The following RBM6 variants were observed in gnomAD, a reference collection of about 807,000 sequenced individuals.
RBM6 encodes the protein RNA binding motif protein 6.
Under a neutral mutation model 140.4 loss-of-function variants are expected in RBM6, and 23 were observed. The observed-to-expected ratio is 0.16, with a 90% CI of 0.12 to 0.23. The LOEUF is 0.23. Ranked by LOEUF, RBM6 falls within the 10% of genes least tolerant of loss-of-function variation. The probability of loss-of-function intolerance (pLI) is 1.00; values close to 1 mark genes in which losing one functional copy is unlikely to be tolerated. For missense variants in RBM6, 1,139 were observed against 1,386.7 expected (o/e 0.82, Z 2.84); for synonymous variants, 439 against 475.6 (o/e 0.92, Z 1.00).
chr3:50,073,247 A>G (rs1291380948), intron 19 of RBM6, among the ~76,000 whole-genome samples: 1 of 152,188 alleles, frequency 6.6e-6, no homozygotes, highest in African/African-American at 2.4e-5. Context: ...AATACCACAG[A>G]CTGGGTAATT....
At chr3:49,973,664 C>T (rs1276930815) in intron 4 of RBM6, among the ~76,000 whole-genome samples, 7 of 148,378 alleles carry the variant, frequency 4.7e-5, no homozygotes, top group Admixed American at 6.7e-5. Flanking sequence ...CGGCTCACTG[C>T]AACCTCTGCC....
rs1412508438 is a variant in RBM6 at position 50,058,666 on chromosome 3, G to A, written c.2130+104G>A. On this transcript the variant is annotated intron_variant, in intron 10 of 20. Transcript: ENST00000266022. ...CTGGTGGCTTACGCCTGTAATCCCAGCACTTTGGGAGGCCGAGGTGGGTGG... is the reference window on the plus strand; with the variant it reads ...CTGGTGGCTTACGCCTGTAATCCCAACACTTTGGGAGGCCGAGGTGGGTGG... The A allele has an allele frequency of 1.7e-5, 22 of 1,259,974 alleles. No individual in the cohort carries two copies. In the Middle Eastern group the frequency reaches 8.5e-4, roughly 48 times the overall value. 78.0% of individuals were successfully genotyped at this position (1,259,974 alleles called of 1,614,324 possible).
intron 6 of RBM6, among the ~76,000 whole-genome samples, chr3:50,025,068 G>A (rs528446918): frequency 1.3e-5 from 2 of 150,036 alleles, no homozygotes; most frequent in Admixed American, 6.6e-5. Flanking sequence ...TTCCACTCTA[G>A]ATGGACTGTG....
intron 8 of RBM6, among the ~76,000 whole-genome samples, chr3:50,055,102 G>A (rs779114532): frequency 2.0e-5 from 3 of 152,202 alleles, no homozygotes; most frequent in Non-Finnish European, 4.4e-5. Flanking sequence ...GATTACAGGC[G>A]TGAACCACCA....
intron 5 of RBM6, among the ~76,000 whole-genome samples, chr3:49,993,814 C>T (rs539415407): frequency 4.0e-5 from 6 of 151,842 alleles, no homozygotes; most frequent in African/African-American, 1.4e-4. Context: ...ATAATCTGCA[C>T]GCCTGTAATC....
At chr3:50,025,111 C>A (rs1313703149) in intron 6 of RBM6, among the ~76,000 whole-genome samples, 2 of 150,768 alleles carry the variant, frequency 1.3e-5, no homozygotes, top group Non-Finnish European at 3.0e-5. Context: ...GGAGCTATGG[C>A]AAATGATGTT....
intron 5 of RBM6, among the ~76,000 whole-genome samples, chr3:49,982,752 C>G (rs548838457): frequency 4.0e-5 from 6 of 149,432 alleles, no homozygotes; most frequent in Non-Finnish European, 1.5e-5. Context: ...GAGTCTCTCT[C>G]AGTCACCCAG....
At chr3:49,969,451 ATG>A (rs199684826) in intron 3 of RBM6, among the ~76,000 whole-genome samples, 5 of 146,026 alleles carry the variant, frequency 3.4e-5, no homozygotes, top group African/African-American at 1.0e-4. Context: ...GATCATATAT[ATG>A]TGTGTGTGTG....
chr3:50,058,895 G>A (rs1191662589), intron 10 of RBM6: 2 of 159,230 alleles, frequency 1.3e-5, no homozygotes, highest in African/African-American at 2.4e-5. Context: ...CAGCCTGGGT[G>A]ACAGAGCGAG....
At chr3:49,949,836 T>C (rs977113054) in intron 1 of RBM6, among the ~76,000 whole-genome samples, 27 of 152,034 alleles carry the variant, frequency 1.8e-4, no homozygotes, top group African/African-American at 6.3e-4. Flanking sequence ...TTTATTTTAT[T>C]CTCAGCCTTC....
At chr3:50,026,431 G>C (rs2087827593) in intron 6 of RBM6, among the ~76,000 whole-genome samples, 1 of 150,614 alleles carries the variant, frequency 6.6e-6, no homozygotes, top group Non-Finnish European at 1.5e-5. Context: ...CCAGACTGGA[G>C]TGCAGTGGCA....
At chr3:50,038,057 G>A (rs1044213294) in intron 6 of RBM6, among the ~76,000 whole-genome samples, 8 of 151,888 alleles carry the variant, frequency 5.3e-5, no homozygotes. Context: ...CCTGACCTCA[G>A]GTGATCCACC....
At chr3:50,075,452 A>G in intron 20 of RBM6, 122 bp downstream of exon 20, 3 of 1,328,554 alleles carry the variant, frequency 2.3e-6, no homozygotes, top group Non-Finnish European at 2.1e-6. Context: ...GGGATAGGAC[A>G]TGAGAGTTGA....
At position 50,013,784 on chromosome 3, in the gene RBM6, A is replaced by G. The variant is rs374250544; in HGVS notation, c.1557+14271A>G. 1.4e-4 allele frequency among the ~76,000 whole-genome samples: 21 copies of G among 152,312 alleles called. No homozygotes were observed. The East Asian group carries it at 2.3e-3, about 17-fold the overall frequency. ...CAGCAACCATGGCAAAGGGGAAGCA[A>G]ACTTTCCTGAGTGGCCTTAATAATG... On this transcript the variant is annotated intron_variant, in intron 6 of 20. Coordinates refer to ENST00000266022, the MANE Select transcript of RBM6 (RefSeq NM_005777.3).
chr3:50,012,547 C>T (rs571166456), intron 6 of RBM6, among the ~76,000 whole-genome samples: 26 of 151,508 alleles, frequency 1.7e-4, no homozygotes, highest in African/African-American at 5.8e-4. Context: ...GTAGTAGAGA[C>T]GGGGTTTCAC....
chr3:49,987,395 A>G (rs917687577), intron 5 of RBM6, among the ~76,000 whole-genome samples: 4 of 151,578 alleles, frequency 2.6e-5, no homozygotes, highest in Non-Finnish European at 4.4e-5. Flanking sequence ...GGCTCATTGC[A>G]ACCTCCACCT....
intron 1 of RBM6, among the ~76,000 whole-genome samples, chr3:49,952,209 T>C (rs1001120072): frequency 6.6e-6 from 1 of 151,760 alleles, no homozygotes; most frequent in Non-Finnish European, 1.5e-5. Flanking sequence ...TTTTGTATTT[T>C]TAGTAGAGAT....
At chr3:50,043,258 C>T (rs924800880) in intron 6 of RBM6, among the ~76,000 whole-genome samples, 2 of 151,878 alleles carry the variant, frequency 1.3e-5, no homozygotes, top group East Asian at 1.9e-4. Flanking sequence ...CCGAGGCAGG[C>T]GATCACTTTA....
At chr3:50,054,540 G>A in intron 8 of RBM6, 145 bp downstream of exon 8, 2 of 723,984 alleles carry the variant, frequency 2.8e-6, no homozygotes, top group South Asian at 1.7e-5. Flanking sequence ...GAGTCTCGCT[G>A]TGTTGCCCAG....
Sources: allele counts gnomAD v4.1 joint callset (sites outside exome capture counted in the v4.1 genomes callset), GRCh38; gene constraint gnomAD v4.1.1; transcripts MANE v1.5; gene names NCBI Gene and HGNC (gene_info 2026-07-23, HGNC 2026-07-21).